Variants in CDK14 observed in about 807,000 individuals in gnomAD.
The protein encoded by CDK14 is cyclin dependent kinase 14, also known as cyclin-dependent kinase 14.
A neutral mutation model predicts 60.7 loss-of-function variants in CDK14; 34 were observed. That is an observed-to-expected ratio of 0.56 (90% confidence interval 0.43 to 0.75). CDK14 has a LOEUF of 0.75. Among genes scored for constraint, CDK14 ranks in the 30% least tolerant of loss-of-function variants. CDK14 has a pLI of 0.00. For synonymous variants in CDK14, 197 were observed against 203.7 expected (o/e 0.97, Z 0.28); for missense variants, 482 against 564.1 (o/e 0.85, Z 1.47).
chr7:91,065,255 CAGGGCAG>C (rs1487956139), intron 11 of CDK14, among the ~76,000 whole-genome samples: 1 of 152,168 alleles, frequency 6.6e-6, no homozygotes, highest in Admixed American at 6.5e-5. Context: ...GTGGCAGTGA[CAGGGCAG>C]TGCAATTCTG....
intron 14 of CDK14, among the ~76,000 whole-genome samples, chr7:91,124,482 T>C (rs1166853122): frequency 6.6e-6 from 1 of 152,092 alleles, no homozygotes; most frequent in Non-Finnish European, 1.5e-5. Context: ...AAAATAAAAA[T>C]AATAAATTTT....
chr7:90,668,789 G>C (rs1438952529), intron 2 of CDK14, among the ~76,000 whole-genome samples: 1 of 143,794 alleles, frequency 7.0e-6, no homozygotes, highest in African/African-American at 2.6e-5. Flanking sequence ...GCTTACTGCA[G>C]CCTTGGTCTT....
intron 10 of CDK14, among the ~76,000 whole-genome samples, chr7:91,035,833 CTTTTT>C (rs34091498): frequency 1.0e-5 from 1 of 99,232 alleles, no homozygotes; most frequent in Non-Finnish European, 1.9e-5. Context: ...GCTTCATGGT[CTTTTT>C]TTTTTTTTTT....
chr7:91,136,244 T>TA (rs1319563922), intron 14 of CDK14, among the ~76,000 whole-genome samples: 1 of 152,196 alleles, frequency 6.6e-6, no homozygotes, highest in Non-Finnish European at 1.5e-5. Context: ...TTTTCTAAAA[T>TA]ATGATGTTCT....
intron 2 of CDK14, chr7:90,666,458 C>G (rs940107431): frequency 1.2e-4 from 19 of 152,196 alleles, no homozygotes; most frequent in Non-Finnish European, 2.2e-4. Flanking sequence ...CCGAATGAGA[C>G]ATACTATAGC....
chr7:90,842,282 TG>T (rs1251864110), intron 5 of CDK14, among the ~76,000 whole-genome samples: 5 of 152,184 alleles, frequency 3.3e-5, no homozygotes, highest in South Asian at 2.1e-4. Flanking sequence ...TCACTTTCTT[TG>T]TTCCTGTCAA....
chr7:90,949,045 GA>G (rs553139366), intron 8 of CDK14, among the ~76,000 whole-genome samples: 1 of 151,864 alleles, frequency 6.6e-6, no homozygotes, highest in African/African-American at 2.4e-5. Context: ...TGCAAAAAGA[GA>G]AAAAACAGAA....
intron 11 of CDK14, among the ~76,000 whole-genome samples, 199 bp from the exon 12 acceptor site, chr7:91,079,233 A>T (rs1035067231): frequency 1.1e-4 from 17 of 152,198 alleles, no homozygotes; most frequent in African/African-American, 3.6e-4. Context: ...ACTAAAGAAA[A>T]CAATGCTTCA....
At chr7:90,634,151 A>G (rs902902205) in intron 2 of CDK14, among the ~76,000 whole-genome samples, 13 of 152,060 alleles carry the variant, frequency 8.5e-5, no homozygotes, top group Admixed American at 6.6e-4. Context: ...AATTATTATT[A>G]TACTTTAAGT....
At chr7:90,806,222 A>T (rs184934679) in intron 5 of CDK14, among the ~76,000 whole-genome samples, 1 of 152,332 alleles carries the variant, frequency 6.6e-6, no homozygotes, top group African/African-American at 2.4e-5. Context: ...CCCTTGGATT[A>T]CACAAATATT....
chr7:91,077,545 A>G (rs970532758), intron 11 of CDK14, among the ~76,000 whole-genome samples: 4 of 152,080 alleles, frequency 2.6e-5, no homozygotes, highest in African/African-American at 7.2e-5. Flanking sequence ...TAATGCATGC[A>G]GGGCTTAAAA....
intron 14 of CDK14, among the ~76,000 whole-genome samples, chr7:91,153,323 C>A (rs1326028807): frequency 1.3e-5 from 2 of 152,156 alleles, no homozygotes; most frequent in Non-Finnish European, 2.9e-5. Context: ...CTGTAGACGA[C>A]AGTGTGGTGA....
chr7:90,853,532 ACACACACT>A (rs941468585), intron 5 of CDK14, among the ~76,000 whole-genome samples: 1 of 152,116 alleles, frequency 6.6e-6, no homozygotes, highest in Non-Finnish European at 1.5e-5. Context: ...ACAAACACAC[ACACACACT>A]CACACACACC....
intron 4 of CDK14, among the ~76,000 whole-genome samples, chr7:90,779,252 C>T (rs1481660550): frequency 6.6e-6 from 1 of 151,716 alleles, no homozygotes; most frequent in Non-Finnish European, 1.5e-5. Flanking sequence ...GACTCCGTCT[C>T]AAAAAAAGAA....
chr7:90,892,824 G>T (rs770968902), intron 6 of CDK14, among the ~76,000 whole-genome samples: 1 of 152,176 alleles, frequency 6.6e-6, no homozygotes, highest in African/African-American at 2.4e-5. Flanking sequence ...TGTCACCCAG[G>T]CTGGGGTGCA....
rs183501347 is a variant in CDK14 at position 90,630,711 on chromosome 7, A to G, written c.123+26462A>G. The stretch of plus-strand genomic sequence containing the variant: ...TGGTTATGTATATGTGTGTGTGTAC[A>G]TACAAATTTAGCCCTTATTCTAAAT... On this transcript the variant is annotated intron_variant, in intron 2 of 14. Transcript: ENST00000380050. Among the ~76,000 whole-genome samples the G allele has an allele frequency of 1.2e-4, 18 of 152,292 alleles. No individual in the cohort carries two copies. In the South Asian group the frequency reaches 2.5e-3, roughly 21 times the overall value.
intron 4 of CDK14, among the ~76,000 whole-genome samples, chr7:90,766,103 G>A (rs769821503): frequency 6.6e-6 from 1 of 151,240 alleles, no homozygotes; most frequent in Non-Finnish European, 1.5e-5. Flanking sequence ...TGAAATTCAG[G>A]TACATCATGG....
At chr7:90,960,107 C>A (rs1397449757) in intron 9 of CDK14, among the ~76,000 whole-genome samples, 3 of 152,098 alleles carry the variant, frequency 2.0e-5, no homozygotes, top group African/African-American at 7.2e-5. Flanking sequence ...AAGCTCTGCT[C>A]AAGCTGTTGA....
At chr7:90,649,471 T>C (rs192207906) in intron 2 of CDK14, among the ~76,000 whole-genome samples, 1 of 147,100 alleles carries the variant, frequency 6.8e-6, no homozygotes, top group East Asian at 2.0e-4. Flanking sequence ...TTCTCTTTCT[T>C]TTTTTTTAAT....
Sources: gnomAD v4.1 joint callset for allele counts (sites outside exome capture counted in the v4.1 genomes callset) on GRCh38, gnomAD v4.1.1 for gene constraint, MANE v1.5 for transcripts, NCBI Gene and HGNC (gene_info 2026-07-23, HGNC 2026-07-21) for gene names.